The following RAB28 variants were observed in gnomAD, a reference collection of about 807,000 sequenced individuals.
The protein encoded by RAB28 is ras-related protein Rab-28.
RAB28 carries 24 observed loss-of-function variants against 31.7 expected under a neutral mutation model. The observed-to-expected ratio is 0.76, with a 90% CI of 0.55 to 1.06. The LOEUF is 1.06. RAB28 is among the 50% of genes least tolerant of loss of function. The pLI is 0.00. For synonymous variants in RAB28, 100 were observed against 90.4 expected (o/e 1.11, Z -0.60); for missense variants, 254 against 258.5 (o/e 0.98, Z 0.12).
At chr4:13,369,788 T>C in intron 6 of RAB28, 1 of 1,274,140 alleles carries the variant, frequency 7.8e-7, no homozygotes, top group Non-Finnish European at 1.1e-6. Context: ...AACTTCCCTA[T>C]TCATAGGGAA....
At chr4:13,430,692 G>T (rs981573086) in intron 4 of RAB28, among the ~76,000 whole-genome samples, 1 of 152,048 alleles carries the variant, frequency 6.6e-6, no homozygotes, top group African/African-American at 2.4e-5. Flanking sequence ...GGTGCCAAGG[G>T]TATCTCCACC....
chr4:13,480,589 C>A (rs896545107), intron 1 of RAB28, among the ~76,000 whole-genome samples: 2 of 151,836 alleles, frequency 1.3e-5, no homozygotes, highest in Admixed American at 6.6e-5. Flanking sequence ...AACTTCAATT[C>A]CTTTTAGCAA....
chr4:13,476,268 C>G (rs964246815), intron 2 of RAB28, among the ~76,000 whole-genome samples: 2 of 151,526 alleles, frequency 1.3e-5, no homozygotes, highest in Non-Finnish European at 3.0e-5. Context: ...CCTAAATCAT[C>G]TATCTATCCA....
At chr4:13,451,582 GC>G (rs1349121405) in intron 4 of RAB28, among the ~76,000 whole-genome samples, 1 of 151,386 alleles carries the variant, frequency 6.6e-6, no homozygotes, top group African/African-American at 2.4e-5. Context: ...TTTTAAATTT[GC>G]AATAATCCCA....
intron 2 of RAB28, among the ~76,000 whole-genome samples, chr4:13,475,129 C>T (rs1397964515): frequency 6.6e-6 from 1 of 151,656 alleles, no homozygotes; most frequent in Non-Finnish European, 1.5e-5. Context: ...TCACAAAATA[C>T]TGTAACTAAT....
chr4:13,467,145 C>A lies in RAB28; in HGVS notation c.262-6317G>T, dbSNP rs1350299718. Among the ~76,000 whole-genome samples the A allele has an allele frequency of 2.0e-5, 3 of 151,672 alleles. No homozygotes were observed. In the East Asian group the frequency reaches 5.8e-4, roughly 29 times the overall value. On this transcript the variant is annotated intron_variant, in intron 3 of 6. Transcript: ENST00000330852. ...AATAATTATTATGTATCATACATTT[C>A]AAAATTGCTAAAAGACTAAATTTCA...
intron 6 of RAB28, among the ~76,000 whole-genome samples, chr4:13,372,025 T>C (rs929266550): frequency 6.6e-6 from 1 of 152,054 alleles, no homozygotes; most frequent in Admixed American, 6.6e-5. Context: ...GGAGTATAGA[T>C]GGACTCTGTG....
At position 13,465,695 on chromosome 4, in the gene RAB28, A is replaced by G. The variant is rs371835922; in HGVS notation, c.262-4867T>C. Among the ~76,000 whole-genome samples, 4 of 151,642 alleles carry G rather than the reference A, an allele frequency of 2.6e-5. No homozygotes were observed. The South Asian group carries it at 6.2e-4, about 24-fold the overall frequency. ...GAAAATGATATGGGTCAGAAACTAA[A>G]CTCTACATAGGAAAAAAATGAGTAC... On this transcript the variant is annotated intron_variant, in intron 3 of 6. Transcript: ENST00000330852.
chr4:13,381,548 C>A lies in RAB28; in HGVS notation c.438G>T (p.Arg146=). Residue 146 remains arginine, a synonymous_variant, in exon 5 of 7, where the codon CGG becomes CGT. Transcript: ENST00000330852. ...MRTIKPEKHL[R]FCQENGFSSH... ...TACTAAAACCATTTTCCTGGCAAAA[C>A]CGTAAGTGTTTTTCAGGTTTTATTG... is the stretch of plus-strand genomic sequence containing the variant. 2 of 1,613,272 alleles carry A rather than the reference C, an allele frequency of 1.2e-6. No individual in the cohort carries two copies. The highest frequency in any genetic ancestry group is 1.7e-6 in the Non-Finnish European group (2 of 1,179,504).
At chr4:13,387,236 G>A (rs971751902) in intron 4 of RAB28, among the ~76,000 whole-genome samples, 2 of 151,922 alleles carry the variant, frequency 1.3e-5, no homozygotes, top group East Asian at 1.9e-4. Flanking sequence ...ATGTATCCAC[G>A]AACTTAAAAG....
chr4:13,424,607 C>A (rs1047025198), intron 4 of RAB28, among the ~76,000 whole-genome samples: 1 of 152,040 alleles, frequency 6.6e-6, no homozygotes, highest in Admixed American at 6.6e-5. Context: ...TCAACCCATA[C>A]AAAAAAACTA....
chr4:13,446,688 A>C (rs765098841), intron 4 of RAB28, among the ~76,000 whole-genome samples: 1 of 152,012 alleles, frequency 6.6e-6, no homozygotes, highest in African/African-American at 2.4e-5. Flanking sequence ...CCCACTGCCT[A>C]ACCAGTCCCA....
At chr4:13,429,888 G>A (rs1195873934) in intron 4 of RAB28, among the ~76,000 whole-genome samples, 1 of 148,648 alleles carries the variant, frequency 6.7e-6, no homozygotes, top group East Asian at 1.9e-4. Flanking sequence ...CAGTAATCTA[G>A]TTTATTCAAT....
intron 4 of RAB28, among the ~76,000 whole-genome samples, chr4:13,398,188 G>A (rs1346098831): frequency 1.3e-5 from 2 of 152,032 alleles, no homozygotes; most frequent in Admixed American, 1.3e-4. Context: ...TACAACTTTT[G>A]TTGCTTGTAA....
At chr4:13,412,050 C>T (rs1399767497) in intron 4 of RAB28, among the ~76,000 whole-genome samples, 1 of 151,416 alleles carries the variant, frequency 6.6e-6, no homozygotes, top group East Asian at 1.9e-4. Flanking sequence ...ATGAAAATTT[C>T]TCCTTTGCTG....
chr4:13,401,397 G>A (rs1236444176), intron 4 of RAB28, among the ~76,000 whole-genome samples: 1 of 152,048 alleles, frequency 6.6e-6, no homozygotes, highest in East Asian at 1.9e-4. Flanking sequence ...GCTAGGGGAG[G>A]GATAGCATTA....
At chr4:13,455,234 A>T (rs1715233088) in intron 4 of RAB28, among the ~76,000 whole-genome samples, 1 of 152,174 alleles carries the variant, frequency 6.6e-6, no homozygotes, top group African/African-American at 2.4e-5. Context: ...GGGCACAGAC[A>T]CATAGCCACT....
At position 13,368,327 on chromosome 4, in the gene RAB28, A is replaced by C. The variant is rs1038371841; in HGVS notation, c.*231T>G. 1.8e-5 allele frequency: 21 copies of C among 1,174,410 alleles called. No homozygotes were observed. Among genetic ancestry groups the C allele is most frequent in the African/African-American group, 3.2e-5 (2 of 62,990 alleles). 72.7% of individuals were successfully genotyped at this position (1,174,410 alleles called of 1,614,324 possible). On this transcript the variant is annotated 3_prime_UTR_variant, in exon 7 of 7. Coordinates refer to ENST00000330852, the MANE Select transcript of RAB28 (RefSeq NM_001017979.3). Reference sequence around the variant, plus strand: ...TTTTGCAATGAAGCAGTCTAATTCCAGGGAATGGGTTTTCCATTTTGAATT... The same window carrying C: ...TTTTGCAATGAAGCAGTCTAATTCCCGGGAATGGGTTTTCCATTTTGAATT...
At chr4:13,450,680 C>T (rs1426063288) in intron 4 of RAB28, among the ~76,000 whole-genome samples, 1 of 151,764 alleles carries the variant, frequency 6.6e-6, no homozygotes, top group East Asian at 1.9e-4. Flanking sequence ...ATGCAGATAA[C>T]TGAAACTTAA....
Sources: allele counts gnomAD v4.1 joint callset (sites outside exome capture counted in the v4.1 genomes callset), GRCh38; gene constraint gnomAD v4.1.1; transcripts MANE v1.5; gene names NCBI Gene and HGNC (gene_info 2026-07-23, HGNC 2026-07-21).